Variants in UNC13C observed in about 807,000 individuals in gnomAD.
UNC13C encodes the protein unc-13 homolog C.
Under a neutral mutation model 245.4 loss-of-function variants are expected in UNC13C, and 174 were observed. The ratio of observed to expected loss-of-function variants is 0.71; its 90% CI spans 0.63 to 0.80. The LOEUF is 0.80. UNC13C is among the 30% of genes least tolerant of loss of function. The pLI is 0.00. For missense variants in UNC13C, 2,829 were observed against 2,602.9 expected (o/e 1.09, Z -1.89); for synonymous variants, 992 against 895.1 (o/e 1.11, Z -1.93).
At chr15:54,077,738 T>C (rs1359956212) in intron 2 of UNC13C, among the ~76,000 whole-genome samples, 4 of 152,096 alleles carry the variant, frequency 2.6e-5, no homozygotes, top group Admixed American at 2.6e-4. Flanking sequence ...TTAAATTTAA[T>C]AGCAATAATA....
At chr15:54,501,068 C>A in intron 22 of UNC13C, 90 bp downstream of exon 22, 1 of 1,330,102 alleles carries the variant, frequency 7.5e-7, no homozygotes, top group South Asian at 1.4e-5. Flanking sequence ...TTCTCTGTCA[C>A]CCCATCCCAG....
chr15:54,254,425 C>G (rs1392694205), intron 8 of UNC13C, among the ~76,000 whole-genome samples: 1 of 152,124 alleles, frequency 6.6e-6, no homozygotes, highest in African/African-American at 2.4e-5. Context: ...GTAATGAGTA[C>G]TCAGGAAACT....
At chr15:54,549,241 C>G (rs1020223291) in intron 27 of UNC13C, among the ~76,000 whole-genome samples, 10 of 152,122 alleles carry the variant, frequency 6.6e-5, no homozygotes, top group African/African-American at 2.4e-4. Flanking sequence ...AGGAGCAATT[C>G]CACCTTCTTT....
chr15:53,882,262 A>G, the UNC13C span, among the ~76,000 whole-genome samples: 1 of 152,226 alleles, frequency 6.6e-6, no homozygotes, highest in South Asian at 2.1e-4. Context: ...AGCTTCCATT[A>G]CCTAATGGTT....
At chr15:54,059,755 G>A (rs994423914) in intron 2 of UNC13C, among the ~76,000 whole-genome samples, 3 of 152,128 alleles carry the variant, frequency 2.0e-5, no homozygotes, top group Admixed American at 6.6e-5. Context: ...CATGGTACTG[G>A]TACCAAAATA....
chr15:54,333,358 T>C (rs189288690), intron 15 of UNC13C, among the ~76,000 whole-genome samples: 1 of 152,036 alleles, frequency 6.6e-6, no homozygotes, highest in African/African-American at 2.4e-5. Context: ...TAAAAGTAAA[T>C]GCAGCACATG....
intron 2 of UNC13C, among the ~76,000 whole-genome samples, chr15:54,102,595 T>C (rs565629491): frequency 1.2e-4 from 18 of 152,228 alleles, no homozygotes; most frequent in Non-Finnish European, 2.6e-4. Context: ...ACAACTAAAT[T>C]ATAGTAAATA....
intron 19 of UNC13C, among the ~76,000 whole-genome samples, chr15:54,437,096 G>A (rs140988376): frequency 2.0e-5 from 3 of 152,058 alleles, no homozygotes; most frequent in East Asian, 1.9e-4. Flanking sequence ...GATTTGGCAT[G>A]TCTGGTAACA....
At position 54,615,825 on chromosome 15, in the gene UNC13C, G is replaced by A. The variant is rs527542353; in HGVS notation, c.6107-6502G>A. On this transcript the variant is annotated intron_variant, in intron 30 of 32. Transcript: ENST00000260323. ...GTTTGACAATCTAACCAATTCTGTG[G>A]ATTCCAAAAGACAAGCTAGTTTGTC... Among the ~76,000 whole-genome samples, 8 of 152,044 alleles carry A rather than the reference G, an allele frequency of 5.3e-5. No individual in the cohort carries two copies. The South Asian group carries it at 6.2e-4, about 12-fold the overall frequency.
At chr15:54,088,696 C>T (rs1196718988) in intron 2 of UNC13C, among the ~76,000 whole-genome samples, 1 of 152,158 alleles carries the variant, frequency 6.6e-6, no homozygotes, top group East Asian at 1.9e-4. Context: ...TGAAGAAGAA[C>T]ATGAGTGCTC....
At chr15:54,037,979 TTC>T (rs1374208514) in intron 2 of UNC13C, among the ~76,000 whole-genome samples, 66 of 150,284 alleles carry the variant, frequency 4.4e-4, no homozygotes, top group African/African-American at 1.6e-3. Context: ...AGCAAGTACA[TTC>T]TGTTTACATA....
chr15:54,500,855 T>C lies in UNC13C; in HGVS notation c.5178T>C (p.His1726=). 6.2e-7 allele frequency: 1 copy of C among 1,612,972 alleles called. No homozygotes were observed. The change falls in exon 22 of 33, where the codon CAT becomes CAC. Residue 1726 remains histidine, a synonymous_variant. Transcript: ENST00000260323. ...KKDGFQQTSE[H]ALFSCSVVDV... ...CACAGTTCCAGCAGACATCTGAGCA[T>C]GCTCTCTTTTCTTGCTCCGTGGTTG... is the stretch of plus-strand genomic sequence containing the variant.
intron 2 of UNC13C, among the ~76,000 whole-genome samples, chr15:54,035,043 C>T (rs1566964567): frequency 6.6e-6 from 1 of 152,104 alleles, no homozygotes; most frequent in Non-Finnish European, 1.5e-5. Flanking sequence ...CAATATTTAG[C>T]AAAGTTTTAA....
At chr15:54,465,825 G>A (rs1484424154) in intron 19 of UNC13C, among the ~76,000 whole-genome samples, 1 of 152,034 alleles carries the variant, frequency 6.6e-6, no homozygotes, top group African/African-American at 2.4e-5. Flanking sequence ...AAGAAGCAAT[G>A]TAAGGAGCAT....
intron 2 of UNC13C, among the ~76,000 whole-genome samples, chr15:54,120,602 T>C (rs1014034882): frequency 2.0e-5 from 3 of 152,092 alleles, no homozygotes; most frequent in Non-Finnish European, 4.4e-5. Context: ...AAATACATTT[T>C]GTAAGGCTAT....
intron 10 of UNC13C, among the ~76,000 whole-genome samples, chr15:54,268,810 C>A (rs1446416440): frequency 5.3e-5 from 8 of 152,060 alleles, no homozygotes; most frequent in Admixed American, 5.2e-4. Flanking sequence ...TTGCATCAAA[C>A]TTTTAAATCT....
the UNC13C span, among the ~76,000 whole-genome samples, chr15:53,906,853 C>T: frequency 6.6e-5 from 10 of 152,286 alleles, no homozygotes; most frequent in Non-Finnish European, 1.3e-4. Context: ...AAGCAAGGAC[C>T]TTCTTCACAT....
chr15:53,947,300 C>G, the UNC13C span, among the ~76,000 whole-genome samples: 1 of 152,018 alleles, frequency 6.6e-6, no homozygotes, highest in African/African-American at 2.4e-5. Flanking sequence ...CTTTTTTTCA[C>G]AACATCATAT....
intron 8 of UNC13C, among the ~76,000 whole-genome samples, 160 bp downstream of exon 8, chr15:54,250,604 T>C (rs1400620446): frequency 6.6e-6 from 1 of 152,110 alleles, no homozygotes; most frequent in East Asian, 1.9e-4. Flanking sequence ...CAAATCACAG[T>C]TGATGATGCA....
Sources: gnomAD v4.1 joint callset for allele counts (sites outside exome capture counted in the v4.1 genomes callset) on GRCh38, gnomAD v4.1.1 for gene constraint, MANE v1.5 for transcripts, NCBI Gene and HGNC (gene_info 2026-07-23, HGNC 2026-07-21) for gene names.